SASH1: variants seen among roughly 807,000 people sequenced by gnomAD.
SASH1 encodes the protein SAM and SH3 domain containing 1, also known as SAM and SH3 domain-containing protein 1.
A neutral mutation model predicts 125.2 loss-of-function variants in SASH1; 44 were observed. The ratio of observed to expected loss-of-function variants is 0.35; its 90% CI spans 0.28 to 0.45. The LOEUF (loss-of-function observed/expected upper bound fraction) is 0.45. Ranked by LOEUF, SASH1 falls within the 20% of genes least tolerant of loss-of-function variation. The probability of loss-of-function intolerance (pLI) is 1.00; values close to 1 mark genes in which losing one functional copy is unlikely to be tolerated. For missense variants in SASH1, 1,426 were observed against 1,614.5 expected (o/e 0.88, Z 2.00); for synonymous variants, 639 against 649.1 (o/e 0.98, Z 0.24).
intron 2 of SASH1, among the ~76,000 whole-genome samples, chr6:148,406,857 T>TC (rs996465352): frequency 2.8e-5 from 4 of 144,140 alleles, no homozygotes; most frequent in Admixed American, 2.7e-4. Context: ...GCAGAGAGAA[T>TC]CAGGCGCTCC....
chr6:148,233,489 T>A, the SASH1 span, among the ~76,000 whole-genome samples: 5 of 152,138 alleles, frequency 3.3e-5, no homozygotes, highest in African/African-American at 9.7e-5. Flanking sequence ...GTATGTACTA[T>A]GTGCCAATCA....
At chr6:148,356,494 C>CTTTTTTTTTTT (rs57183555) in intron 1 of SASH1, among the ~76,000 whole-genome samples, 1,603 of 115,834 alleles carry the variant, frequency 0.014, 75 homozygotes, top group South Asian at 0.021. Context: ...ACTTTTAGTT[C>CTTTTTTTTTTT]TTTTTTTTTT....
chr6:148,412,934 G>A (rs1178723639), intron 2 of SASH1, among the ~76,000 whole-genome samples: 1 of 152,218 alleles, frequency 6.6e-6, no homozygotes, highest in Non-Finnish European at 1.5e-5. Context: ...TATTGCTGAA[G>A]TTTTAATGAT....
intron 4 of SASH1, 51 bp downstream of exon 4, chr6:148,440,458 A>G (rs1188288969): frequency 1.3e-6 from 2 of 1,500,976 alleles, no homozygotes; most frequent in African/African-American, 2.8e-5. Context: ...GGTGTCTTTT[A>G]GGTCCATGCT....
At chr6:148,333,883 C>T (rs188612629) in intron 1 of SASH1, among the ~76,000 whole-genome samples, 265 of 152,058 alleles carry the variant, frequency 1.7e-3, no homozygotes, top group African/African-American at 6.0e-3. Flanking sequence ...ACTGCAGTGG[C>T]GTGATCTCAG....
At chr6:148,241,417 G>A in the SASH1 span, among the ~76,000 whole-genome samples, 4 of 152,184 alleles carry the variant, frequency 2.6e-5, no homozygotes, top group Non-Finnish European at 5.9e-5. Context: ...TTTTGCAGTT[G>A]TACATCTAGA....
At chr6:148,222,218 G>A in the SASH1 span, among the ~76,000 whole-genome samples, 1 of 152,094 alleles carries the variant, frequency 6.6e-6, no homozygotes, top group Non-Finnish European at 1.5e-5. Flanking sequence ...ATTTGTTTGG[G>A]CAGATAAATC....
chr6:148,540,922 G>A (rs770415912), intron 17 of SASH1, among the ~76,000 whole-genome samples: 3 of 152,114 alleles, frequency 2.0e-5, no homozygotes, highest in African/African-American at 4.8e-5. Flanking sequence ...TAAATGCCTC[G>A]GCTGCATGGC....
Position 148,471,455 on chromosome 6 carries a change from C to A in SASH1, c.466C>A (p.Gln156Lys), listed in dbSNP as rs780949544. 130 of 1,533,372 alleles carry A rather than the reference C, an allele frequency of 8.5e-5. No homozygotes were observed. The highest frequency in any genetic ancestry group is 1.0e-4 in the Non-Finnish European group (118 of 1,134,088). 95.0% of individuals were successfully genotyped at this position (1,533,372 alleles called of 1,614,324 possible). ...GAAGAAGAAAAATAAGTATTTCTGG[C>A]AGAACTTCCGAAAGAACCAGAAAGG... ...DWKKKNKYFWQNFRKNQKGIM... is the reference protein window; with the variant it reads ...DWKKKNKYFWKNFRKNQKGIM... Residue 156 changes from glutamine to lysine, a missense_variant, in exon 6 of 20, where the codon CAG (glutamine) becomes AAG (lysine). Transcript: ENST00000367467.
the SASH1 span, among the ~76,000 whole-genome samples, chr6:148,254,281 A>G: frequency 6.6e-6 from 1 of 152,204 alleles, no homozygotes; most frequent in African/African-American, 2.4e-5. Flanking sequence ...CATATATCTG[A>G]TAAAGAAACT....
intron 11 of SASH1, among the ~76,000 whole-genome samples, chr6:148,527,001 T>C (rs1004144135): frequency 6.6e-6 from 1 of 151,922 alleles, no homozygotes; most frequent in Admixed American, 6.6e-5. Flanking sequence ...GCTTCCTGAG[T>C]AGCTGGGACT....
At chr6:148,455,163 C>T (rs546409812) in intron 4 of SASH1, among the ~76,000 whole-genome samples, 2 of 152,300 alleles carry the variant, frequency 1.3e-5, no homozygotes, top group Non-Finnish European at 2.9e-5. Context: ...ATCACAATTA[C>T]TTGGAGAGCT....
At chr6:148,543,457 T>G (rs1012111584) in intron 17 of SASH1, among the ~76,000 whole-genome samples, 1 of 152,188 alleles carries the variant, frequency 6.6e-6, no homozygotes, top group Non-Finnish European at 1.5e-5. Flanking sequence ...ATTTCAGTCT[T>G]CATGATTCCT....
chr6:148,528,801 T>C (rs938291967), intron 12 of SASH1, among the ~76,000 whole-genome samples: 2 of 152,060 alleles, frequency 1.3e-5, no homozygotes, highest in Admixed American at 6.5e-5. Flanking sequence ...TTCACATGCA[T>C]TACATTTATT....
intron 10 of SASH1, among the ~76,000 whole-genome samples, chr6:148,524,121 A>ATATAT (rs1193506716): frequency 3.1e-5 from 4 of 128,610 alleles, no homozygotes; most frequent in African/African-American, 8.4e-5. Flanking sequence ...ATATATATAT[A>ATATAT]TTTTTTTTAA....
chr6:148,246,249 T>C, the SASH1 span, among the ~76,000 whole-genome samples: 2 of 152,232 alleles, frequency 1.3e-5, no homozygotes, highest in African/African-American at 4.8e-5. Flanking sequence ...CTTTTCATTG[T>C]CATTTATCTT....
In SASH1 at chr6:148,343,062, A is replaced by G. The variant is rs1781387732; in HGVS notation, c.-6A>G. The G allele has an allele frequency of 1.4e-6, 2 of 1,404,106 alleles. No individual in the cohort carries two copies. The highest frequency in any genetic ancestry group is 1.8e-6 in the Non-Finnish European group (2 of 1,082,370). The allele number at this position is 1,404,106 out of a possible 1,614,324, so 87.0% of individuals were successfully genotyped here. A position where few individuals can be genotyped will look rare whatever the true frequency, so the allele number is the denominator to read the frequency against. ...GGGACGCACGGCCCGCGCGCGGGAC[A>G]CGGCCATGGAGGACGCGGGAGCAGC... On this transcript the variant is annotated 5_prime_UTR_variant, in exon 1 of 20. Transcript: ENST00000367467.
At chr6:148,411,767 C>G (rs1462228734) in intron 2 of SASH1, among the ~76,000 whole-genome samples, 1 of 152,218 alleles carries the variant, frequency 6.6e-6, no homozygotes, top group Non-Finnish European at 1.5e-5. Context: ...TGGTCTTGAA[C>G]TCCTGACCTC....
At position 148,548,508 on chromosome 6, in the gene SASH1, C is replaced by T. The variant is rs749690463; in HGVS notation, c.3694C>T (p.Leu1232=). ...ITEERHIRKL[L]SAARLFKLPP... ...AGAGGAGAGACACATAAGAAAGCTC[C>T]TATCTGCAGCCAGACTCTTCAAACT... Residue 1232 remains leucine, a synonymous_variant, in exon 20 of 20, where the codon CTA becomes TTA. Coordinates refer to ENST00000367467, the MANE Select transcript of SASH1 (RefSeq NM_015278.5). 2 of 1,613,830 alleles carry T rather than the reference C, an allele frequency of 1.2e-6. No individual in the cohort carries two copies. Among genetic ancestry groups the T allele is most frequent in the East Asian group, 2.2e-5 (1 of 44,890 alleles).
Sources: gnomAD v4.1 joint callset for allele counts (sites outside exome capture counted in the v4.1 genomes callset) on GRCh38, gnomAD v4.1.1 for gene constraint, MANE v1.5 for transcripts, NCBI Gene and HGNC (gene_info 2026-07-23, HGNC 2026-07-21) for gene names.